C1RL: variants seen among roughly 807,000 people sequenced by gnomAD.
C1RL encodes complement C1r subcomponent like.
C1RL carries 27 observed loss-of-function variants against 27.9 expected under a neutral mutation model. That is an observed-to-expected ratio of 0.97 (90% CI 0.71 to 1.33). The LOEUF is 1.33. Among genes scored for constraint, C1RL ranks in the 40% most tolerant of loss-of-function variants. C1RL has a pLI of 0.00. For missense variants in C1RL, 563 were observed against 623.9 expected (o/e 0.90, Z 1.04); for synonymous variants, 248 against 252.1 (o/e 0.98, Z 0.15).
chr12:7,102,190 A>AGGGG, intron 2 of C1RL, 103 bp from the exon 3 acceptor site: 1 of 1,243,416 alleles, frequency 8.0e-7, no homozygotes, highest in Non-Finnish European at 1.1e-6. Flanking sequence ...CCCCATCTAG[A>AGGGG]CGGGCCGTGC....
At chr12:7,107,117 G>T (rs1284305279) in intron 2 of C1RL, among the ~76,000 whole-genome samples, 1 of 152,136 alleles carries the variant, frequency 6.6e-6, no homozygotes, top group Non-Finnish European at 1.5e-5. Context: ...GCAGCACTCA[G>T]GGGCGGGGAG....
At chr12:7,108,167 G>A in intron 2 of C1RL, 84 bp downstream of exon 2, 1 of 1,124,932 alleles carries the variant, frequency 8.9e-7, no homozygotes, top group African/African-American at 1.6e-5. Context: ...TCCAGATGGG[G>A]GATTCAGGGC....
At position 7,106,048 on chromosome 12, in the gene C1RL, A is replaced by G. The variant is rs763220330; in HGVS notation, c.300+2203T>C. On this transcript the variant is annotated intron_variant, in intron 2 of 5. Transcript: ENST00000266542. ...ACAAGAACATTCCTAGAATTGAAGGACTAGATTAAAAGAGGCTCTAGATTA... is the reference window on the plus strand; with the variant it reads ...ACAAGAACATTCCTAGAATTGAAGGGCTAGATTAAAAGAGGCTCTAGATTA... Among the ~76,000 whole-genome samples, 7 of 152,340 alleles carry G rather than the reference A, an allele frequency of 4.6e-5. No homozygotes were observed. In the South Asian group the frequency reaches 1.2e-3, roughly 27 times the overall value.
At position 7,096,930 on chromosome 12, in the gene C1RL, C is replaced by T. The variant is rs771202397; in HGVS notation, c.925G>A (p.Asp309Asn). The T allele has an allele frequency of 5.0e-6, 8 of 1,610,216 alleles. No individual in the cohort carries two copies. Among genetic ancestry groups the T allele is most frequent in the Middle Eastern group, 1.6e-4 (1 of 6,062 alleles). The change falls in exon 6 of 6, where the codon GAT becomes AAT. Residue 309 changes from aspartate (D) to asparagine (N), a missense_variant. Transcript: ENST00000266542. The stretch of plus-strand genomic sequence containing the variant: ...TGGTTCCCCAGTTTCAGCATCTCAT[C>T]TATGGCTGTGTGGCCCAAGAACACA... ...VNVFLGHTAI[D>N]EMLKLGNHPV...
intron 2 of C1RL, among the ~76,000 whole-genome samples, chr12:7,103,845 A>G (rs1938692083): frequency 6.6e-6 from 1 of 152,220 alleles, no homozygotes; most frequent in Non-Finnish European, 1.5e-5. Flanking sequence ...CAGGATTAAA[A>G]ATCTCCATGA....
At chr12:7,097,349 C>G in intron 5 of C1RL, 186 bp from the exon 6 acceptor site, 2 of 559,558 alleles carry the variant, frequency 3.6e-6, no homozygotes, top group Non-Finnish European at 6.1e-6. Flanking sequence ...CTTGCGCGAT[C>G]TCGGCTCACT....
intron 1 of C1RL, 170 bp from the exon 2 acceptor site, chr12:7,108,649 C>T (rs1372505273): frequency 1.0e-5 from 6 of 593,600 alleles, no homozygotes; most frequent in African/African-American, 7.5e-5. Flanking sequence ...CCCTTGCTCC[C>T]CTTCCTCACC....
Position 7,101,713 on chromosome 12 carries a change from G to A in C1RL, c.490+185C>T, listed in dbSNP as rs555121895. On this transcript the variant is annotated intron_variant, in intron 3 of 5. Transcript: ENST00000266542. ...AAATCTGCATGGAAACAACCGCTGG[G>A]GGCTCAGCTACGGCTGTCTCTTAAT... 2.1e-4 allele frequency: 129 copies of A among 609,718 alleles called. 1 individual carries two copies. Among genetic ancestry groups the A allele is most frequent in the Middle Eastern group, 1.8e-3 (4 of 2,252 alleles). 37.8% of individuals were successfully genotyped at this position (609,718 alleles called of 1,614,324 possible).
chr12:7,105,607 G>A (rs867001526), intron 2 of C1RL, among the ~76,000 whole-genome samples: 14 of 152,052 alleles, frequency 9.2e-5, no homozygotes, highest in Non-Finnish European at 1.6e-4. Flanking sequence ...ATCAGATATC[G>A]TAGGAAAGTC....
intron 3 of C1RL, among the ~76,000 whole-genome samples, chr12:7,101,060 G>A (rs1030900812): frequency 1.4e-4 from 18 of 131,274 alleles, no homozygotes; most frequent in African/African-American, 4.9e-4. Flanking sequence ...TTTATCATGT[G>A]CACCCTTCCT....
At chr12:7,108,223 G>A (rs1450724595) in intron 2 of C1RL, 28 bp downstream of exon 2, 1 of 1,556,896 alleles carries the variant, frequency 6.4e-7, no homozygotes, top group Non-Finnish European at 8.8e-7. Context: ...CCACAGTCCT[G>A]GCGGGACCCC....
At chr12:7,098,091 C>T (rs746675496) in intron 5 of C1RL, among the ~76,000 whole-genome samples, 19 of 151,536 alleles carry the variant, frequency 1.3e-4, no homozygotes, top group Non-Finnish European at 2.5e-4. Flanking sequence ...CCCGGTGAAA[C>T]CCCGTCTCTA....
chr12:7,095,283 T>C lies in C1RL; in HGVS notation c.*1108A>G, dbSNP rs1358760628. On this transcript the variant is annotated 3_prime_UTR_variant, in exon 6 of 6. Transcript: ENST00000266542. ...GGCACGTGTCACCACGCCCGGCTAA[T>C]TTTTGTATTTTTAGTAGAGATGGGG... The C allele has an allele frequency of 5.0e-6, 4 of 804,814 alleles. No individual in the cohort carries two copies. Among genetic ancestry groups the C allele is most frequent in the Non-Finnish European group, 6.4e-6 (4 of 628,554 alleles). 49.9% of individuals were successfully genotyped at this position (804,814 alleles called of 1,614,324 possible).
intron 5 of C1RL, among the ~76,000 whole-genome samples, chr12:7,099,192 T>A (rs976636692): frequency 1.6e-5 from 2 of 127,058 alleles, no homozygotes; most frequent in South Asian, 5.1e-4. Context: ...GCCGTTGCAC[T>A]TCAGTCTGGG....
At position 7,096,106 on chromosome 12, in the gene C1RL, T is replaced by G; in HGVS notation, c.*285A>C. ...GTTCTAAGGACATTCAAGGCGAAAG[T>G]TGTTGAGATGTACAGGCTTCCCGGG... On this transcript the variant is annotated 3_prime_UTR_variant, in exon 6 of 6. Coordinates refer to ENST00000266542, the MANE Select transcript of C1RL (RefSeq NM_016546.4). 1 of 1,179,356 alleles carries G rather than the reference T, an allele frequency of 8.5e-7. No homozygotes were observed. The highest frequency in any genetic ancestry group is 1.0e-6 in the Non-Finnish European group (1 of 953,134). 73.1% of individuals were successfully genotyped at this position (1,179,356 alleles called of 1,614,324 possible). A position where few individuals can be genotyped will look rare whatever the true frequency, so the allele number is the denominator to read the frequency against.
chr12:7,102,205 C>T (rs769988364), intron 2 of C1RL, 118 bp from the exon 3 acceptor site: 3 of 1,045,062 alleles, frequency 2.9e-6, no homozygotes, highest in Admixed American at 2.3e-5. Flanking sequence ...CCGTGCCCCT[C>T]TGGGGCTCAG....
At chr12:7,101,091 C>G (rs1212606354) in intron 3 of C1RL, among the ~76,000 whole-genome samples, 1 of 65,058 alleles carries the variant, frequency 1.5e-5, no homozygotes, top group Non-Finnish European at 3.1e-5. Flanking sequence ...CCTTCCTTCC[C>G]TCCTTCCCTC....
At chr12:7,102,110 G>A in intron 2 of C1RL, 23 bp from the exon 3 acceptor site, 7 of 1,596,074 alleles carry the variant, frequency 4.4e-6, no homozygotes, top group Non-Finnish European at 6.0e-6. Context: ...GGAGGAGTGA[G>A]GCTGCAGATA....
chr12:7,108,302 G>A lies in C1RL; in HGVS notation c.249C>T (p.Phe83=), dbSNP rs754378689. 1 of 1,614,208 alleles carries A rather than the reference G, an allele frequency of 6.2e-7. No homozygotes were observed. Among genetic ancestry groups the A allele is most frequent in the Non-Finnish European group, 8.5e-7 (1 of 1,180,024 alleles). ...APEGFAVRLV[F]QDFDLEPSQD... The stretch of plus-strand genomic sequence containing the variant: ...GGGACGGCTCCAGGTCGAAGTCCTG[G>A]AAGACGAGCCTCACAGCAAAGCCCT... The change falls in exon 2 of 6, where the codon TTC becomes TTT. Residue 83 remains phenylalanine (F), a synonymous_variant. Coordinates refer to ENST00000266542, the MANE Select transcript of C1RL (RefSeq NM_016546.4).
Sources: allele counts gnomAD v4.1 joint callset (sites outside exome capture counted in the v4.1 genomes callset), GRCh38; gene constraint gnomAD v4.1.1; transcripts MANE v1.5; gene names NCBI Gene and HGNC (gene_info 2026-07-23, HGNC 2026-07-21).